The following RBMS3 variants were observed in gnomAD, a reference collection of about 807,000 sequenced individuals.
The protein encoded by RBMS3 is RNA binding motif single stranded interacting protein 3, also known as RNA-binding motif, single-stranded-interacting protein 3.
In RBMS3, 27 loss-of-function variants were observed where a neutral mutation model predicts 66.8. The observed-to-expected ratio is 0.40, with a 90% CI of 0.30 to 0.56. The LOEUF (loss-of-function observed/expected upper bound fraction) is 0.56. RBMS3 is among the 20% of genes least tolerant of loss of function. The pLI, the probability that RBMS3 is intolerant of heterozygous loss-of-function variation, is 0.40. For missense variants in RBMS3, 513 were observed against 549.5 expected, an observed-to-expected ratio of 0.93 and a Z score of 0.66; for synonymous variants, 188 against 183.0, an observed-to-expected ratio of 1.03 and a Z score of -0.22.
intron 11 of RBMS3, 73 bp from the exon 12 acceptor site, chr3:29,944,134 G>A (rs1218331559): frequency 2.0e-5 from 27 of 1,371,652 alleles, no homozygotes; most frequent in South Asian, 3.5e-5. Flanking sequence ...ACTCTTCCAC[G>A]TGTTAGGGCT....
rs1295854190 is a variant in RBMS3 at position 29,554,763 on chromosome 3, A to G, written c.308-32351A>G. Among the ~76,000 whole-genome samples the G allele has an allele frequency of 2.0e-5, 3 of 152,212 alleles. No homozygotes were observed. The East Asian group carries it at 5.8e-4, about 29-fold the overall frequency. ...TTACAGATATAAGAAACTATGAGTC[A>G]TCTGGTACGGGTGGCTTATATGAGA... On this transcript the variant is annotated intron_variant, in intron 3 of 14. Coordinates refer to ENST00000383767, the MANE Select transcript of RBMS3 (RefSeq NM_001003793.3).
intron 4 of RBMS3, among the ~76,000 whole-genome samples, chr3:29,629,000 T>A (rs948365156): frequency 3.3e-5 from 5 of 152,100 alleles, no homozygotes; most frequent in Admixed American, 1.3e-4. Context: ...CCGATGTCTC[T>A]GGGGTTTTCT....
At chr3:29,675,895 T>C (rs940897778) in intron 4 of RBMS3, among the ~76,000 whole-genome samples, 4 of 152,198 alleles carry the variant, frequency 2.6e-5, no homozygotes, top group Non-Finnish European at 5.9e-5. Context: ...GAACTAGAAA[T>C]ACCATTTGAC....
At chr3:29,466,202 A>G (rs7637452) in intron 2 of RBMS3, among the ~76,000 whole-genome samples, 36,612 of 151,660 alleles carry the variant, frequency 0.24, 4,562 homozygotes, top group Admixed American at 0.3. Context: ...ATGCCAATTA[A>G]AGACTATAGA....
At chr3:29,928,211 T>TATATATATATATATACAC (rs1291440563) in intron 10 of RBMS3, among the ~76,000 whole-genome samples, 16 of 93,492 alleles carry the variant, frequency 1.7e-4, no homozygotes, top group East Asian at 3.1e-4. Flanking sequence ...TATATATATA[T>TATATATATATATATACAC]ACACACACAC....
At chr3:29,943,600 C>A (rs1307273557) in intron 11 of RBMS3, among the ~76,000 whole-genome samples, 2 of 151,750 alleles carry the variant, frequency 1.3e-5, no homozygotes, top group East Asian at 1.9e-4. Flanking sequence ...TCAATAGATT[C>A]TGTTCTGTGT....
intron 4 of RBMS3, among the ~76,000 whole-genome samples, chr3:29,645,061 A>G (rs1046629641): frequency 1.1e-4 from 16 of 152,234 alleles, no homozygotes; most frequent in African/African-American, 2.7e-4. Flanking sequence ...TCCAGCATCT[A>G]TTAGGGTATC....
At chr3:29,403,055 A>T (rs923507161) in intron 1 of RBMS3, among the ~76,000 whole-genome samples, 1 of 152,058 alleles carries the variant, frequency 6.6e-6, no homozygotes, top group African/African-American at 2.4e-5. Context: ...GTAAAAGAGT[A>T]CATGGGATGT....
intron 4 of RBMS3, among the ~76,000 whole-genome samples, chr3:29,689,908 T>C (rs1303317948): frequency 5.0e-5 from 3 of 60,122 alleles, no homozygotes; most frequent in Admixed American, 3.0e-4. Context: ...AGCAAGATCC[T>C]ATCTCTACCA....
chr3:29,968,188 G>A (rs1577275134), intron 12 of RBMS3, among the ~76,000 whole-genome samples: 1 of 147,990 alleles, frequency 6.8e-6, no homozygotes, highest in Non-Finnish European at 1.5e-5. Context: ...TCCCACGGCT[G>A]CCCACCCGGC....
chr3:29,505,980 T>C (rs2044168192), intron 3 of RBMS3, among the ~76,000 whole-genome samples: 1 of 151,928 alleles, frequency 6.6e-6, no homozygotes, highest in South Asian at 2.1e-4. Flanking sequence ...TTTGGTGGAA[T>C]TTTTTAGGCT....
intron 8 of RBMS3, among the ~76,000 whole-genome samples, chr3:29,894,902 G>A (rs952729033): frequency 3.3e-5 from 5 of 151,666 alleles, no homozygotes; most frequent in Middle Eastern, 3.4e-3. Flanking sequence ...TAGGTAGAGA[G>A]AATTTCAAGT....
In RBMS3 at chr3:30,005,120, A is replaced by G. The variant is rs536106344; in HGVS notation, c.*1258A>G. Reference sequence around the variant, plus strand: ...TTTCTTTTTAAAAAAAAAAAAATTTATTTGACCGACATGGCCGGACCAGTT... The same window carrying G: ...TTTCTTTTTAAAAAAAAAAAAATTTGTTTGACCGACATGGCCGGACCAGTT... On this transcript the variant is annotated 3_prime_UTR_variant, in exon 15 of 15. Coordinates refer to ENST00000383767, the MANE Select transcript of RBMS3 (RefSeq NM_001003793.3). 6.8e-6 allele frequency: 1 copy of G among 147,918 alleles called. No homozygotes were observed. The highest frequency in any genetic ancestry group is 1.5e-5 in the Non-Finnish European group (1 of 66,592). The allele number at this position is 147,918 out of a possible 1,614,324, so 9.2% of individuals were successfully genotyped here.
chr3:29,719,525 T>C (rs1003999051), intron 4 of RBMS3, among the ~76,000 whole-genome samples: 5 of 152,188 alleles, frequency 3.3e-5, no homozygotes, highest in African/African-American at 9.7e-5. Context: ...CCTGCATGTT[T>C]ATATTTATAG....
In RBMS3 at chr3:29,577,099, A is replaced by G. The variant is rs185816652; in HGVS notation, c.308-10015A>G. On this transcript the variant is annotated intron_variant, in intron 3 of 14. Coordinates refer to ENST00000383767, the MANE Select transcript of RBMS3 (RefSeq NM_001003793.3). ...TTTGCTGCTGGTTATTCAGGGCCCA[A>G]TGGCTCTTTAGTCAGCAGGTTATGA... 1.1e-3 allele frequency among the ~76,000 whole-genome samples: 169 copies of G among 152,298 alleles called. 8 individuals are homozygous for G. The East Asian group carries it at 0.025, about 22-fold the overall frequency.
chr3:30,003,725 A>G, intron 14 of RBMS3, 131 bp from the exon 15 acceptor site: 2 of 544,426 alleles, frequency 3.7e-6, no homozygotes, highest in Non-Finnish European at 5.9e-6. Flanking sequence ...GTATGATTTT[A>G]TGATGCTTTT....
At chr3:29,921,502 T>A (rs1011464805) in intron 10 of RBMS3, among the ~76,000 whole-genome samples, 3 of 19,898 alleles carry the variant, frequency 1.5e-4, no homozygotes, top group African/African-American at 3.9e-4. Flanking sequence ...GGCAGGGGGG[T>A]GGGGGGGCTG....
At chr3:29,702,868 G>T (rs1327456753) in intron 4 of RBMS3, among the ~76,000 whole-genome samples, 1 of 152,194 alleles carries the variant, frequency 6.6e-6, no homozygotes. Flanking sequence ...AACACTCACC[G>T]CGAGGGTCCG....
At chr3:29,491,079 A>G (rs559932696) in intron 3 of RBMS3, among the ~76,000 whole-genome samples, 1 of 152,334 alleles carries the variant, frequency 6.6e-6, no homozygotes, top group South Asian at 2.1e-4. Context: ...TAAATTGCCA[A>G]CATGCAAAAA....
Sources: allele counts gnomAD v4.1 joint callset (sites outside exome capture counted in the v4.1 genomes callset), GRCh38; gene constraint gnomAD v4.1.1; transcripts MANE v1.5; gene names NCBI Gene and HGNC (gene_info 2026-07-23, HGNC 2026-07-21).